PHC1: variants seen among roughly 807,000 people sequenced by gnomAD.
PHC1 encodes the protein polyhomeotic homolog 1.
A neutral mutation model predicts 104.3 loss-of-function variants in PHC1; 12 were observed. The observed-to-expected ratio is 0.12, with a 90% CI of 0.07 to 0.19. PHC1 has a LOEUF of 0.19. Ranked by LOEUF, PHC1 falls within the 10% of genes least tolerant of loss-of-function variation. The pLI is 1.00. For synonymous variants in PHC1, 302 were observed against 455.8 expected (o/e 0.66, Z 4.30); for missense variants, 671 against 1,200.0 (o/e 0.56, Z 6.51).
intron 1 of PHC1, among the ~76,000 whole-genome samples, chr12:8,916,443 A>G (rs952983291): frequency 6.6e-6 from 1 of 152,118 alleles, no homozygotes; most frequent in Non-Finnish European, 1.5e-5. Context: ...TGGTGACCTG[A>G]TATTTCTAGT....
intron 2 of PHC1, 118 bp downstream of exon 2, chr12:8,917,909 G>C (rs552660354): frequency 1.8e-4 from 112 of 625,420 alleles, no homozygotes; most frequent in African/African-American, 1.8e-3. Flanking sequence ...TGGGTTAGAT[G>C]ATGACTAAGC....
chr12:8,918,539 G>A (rs1475857761), intron 2 of PHC1, among the ~76,000 whole-genome samples: 11 of 151,882 alleles, frequency 7.2e-5, no homozygotes, highest in Non-Finnish European at 1.3e-4. Context: ...GTGCAGTGGT[G>A]CGATCAGTGC....
At chr12:8,935,772 T>A (rs1458918126) in intron 11 of PHC1, among the ~76,000 whole-genome samples, 3 of 152,158 alleles carry the variant, frequency 2.0e-5, no homozygotes, top group African/African-American at 7.2e-5. Flanking sequence ...ATTATTATTT[T>A]TTTTTGAGAC....
intron 6 of PHC1, among the ~76,000 whole-genome samples, chr12:8,924,190 A>G (rs1945450402): frequency 6.6e-6 from 1 of 152,158 alleles, no homozygotes; most frequent in Non-Finnish European, 1.5e-5. Context: ...GAAAGTGCTA[A>G]ATTAGGCTGG....
chr12:8,920,763 G>T (rs1945338939), intron 3 of PHC1, among the ~76,000 whole-genome samples: 1 of 152,154 alleles, frequency 6.6e-6, no homozygotes, highest in African/African-American at 2.4e-5. Context: ...AGGACAAGTT[G>T]CCTCTCTGCC....
intron 7 of PHC1, among the ~76,000 whole-genome samples, chr12:8,931,320 A>G (rs1375652461): frequency 1.3e-5 from 2 of 152,354 alleles, no homozygotes; most frequent in Admixed American, 6.5e-5. Context: ...AGCATTTACT[A>G]TAAGGGATGA....
At chr12:8,939,057 C>T (rs1396685928) in intron 14 of PHC1, among the ~76,000 whole-genome samples, 4 of 152,224 alleles carry the variant, frequency 2.6e-5, no homozygotes, top group Non-Finnish European at 5.9e-5. Flanking sequence ...AACTCCTGAG[C>T]TCAAGTGATC....
At chr12:8,938,640 C>T (rs2137142103) in intron 14 of PHC1, among the ~76,000 whole-genome samples, 1 of 152,154 alleles carries the variant, frequency 6.6e-6, no homozygotes, top group South Asian at 2.1e-4. Context: ...ACCCTTCTTG[C>T]TATTTGTCTG....
In PHC1 at chr12:8,922,616, C is replaced by T. The variant is rs1310222399; in HGVS notation, c.457-17C>T. ...CCCTCTTGTCCTCTTTGCTCTTCCT[C>T]TTCCTCTCCTTGCCAGCCACAGCTG... On this transcript the variant is annotated splice_polypyrimidine_tract_variant and intron_variant, in intron 5 of 14. Transcript: ENST00000544916. The T allele has an allele frequency of 1.9e-6, 3 of 1,556,226 alleles. No homozygotes were observed. The South Asian group carries it at 3.6e-5, about 18-fold the overall frequency.
rs925706134 is a variant in PHC1, at chr12:8,922,792, A to G, written c.612+4A>G. 1.2e-5 allele frequency: 20 copies of G among 1,612,206 alleles called. No homozygotes were observed. Among genetic ancestry groups the G allele is most frequent in the Non-Finnish European group, 1.6e-5 (19 of 1,179,322 alleles). ...AGTTCATGCAGATGCAGATCAGGTT[A>G]GTGGCGATGACTTTACCTGTGGGTG... is the stretch of plus-strand genomic sequence containing the variant. On this transcript the variant is annotated splice_donor_region_variant and intron_variant, in intron 6 of 14. Coordinates refer to ENST00000544916, the MANE Select transcript of PHC1 (RefSeq NM_004426.3).
intron 6 of PHC1, among the ~76,000 whole-genome samples, chr12:8,926,107 G>GT (rs761524774): frequency 6.6e-6 from 1 of 152,170 alleles, no homozygotes; most frequent in African/African-American, 2.4e-5. Flanking sequence ...ATGTAGGAGT[G>GT]TATTTAGAGT....
At chr12:8,921,201 A>ATACT (rs1945352927) in intron 4 of PHC1, 136 bp downstream of exon 4, 1 of 643,218 alleles carries the variant, frequency 1.6e-6, no homozygotes, top group South Asian at 2.0e-5. Context: ...AGAGAATAGT[A>ATACT]GTACAAGGGG....
chr12:8,933,435 G>C, intron 8 of PHC1, 85 bp downstream of exon 8: 1 of 1,411,084 alleles, frequency 7.1e-7, no homozygotes, highest in Non-Finnish European at 9.4e-7. Flanking sequence ...AATTGAATAG[G>C]GGAATAAAGA....
At chr12:8,928,345 C>T (rs1255656203) in intron 6 of PHC1, among the ~76,000 whole-genome samples, 4 of 152,102 alleles carry the variant, frequency 2.6e-5, no homozygotes, top group East Asian at 1.9e-4. Flanking sequence ...ATTTTTTAAT[C>T]GTACTTCTGG....
In PHC1 at chr12:8,939,455, C is replaced by T. The variant is rs766902181; in HGVS notation, c.3011C>T (p.Thr1004Ile). ...ICAKINVLKE[T>I] ...GCCAAGATAAATGTCCTCAAGGAGA[C>T]CTAAGGTGGCCCTCTTGCACAAACC... Residue 1004 changes from threonine (T) to isoleucine (I), a missense_variant, in exon 15 of 15, where the codon ACC becomes ATC. Around this residue, in one of 9 missense-constraint regions of PHC1, gnomAD observed 10 missense variants for 48.3 expected, o/e 0.21. Coordinates refer to ENST00000544916, the MANE Select transcript of PHC1 (RefSeq NM_004426.3). The T allele has an allele frequency of 1.8e-5, 28 of 1,550,012 alleles. No homozygotes were observed. The African/African-American group carries it at 3.6e-4, about 20-fold the overall frequency.
At chr12:8,930,085 T>G (rs1468909656) in intron 6 of PHC1, among the ~76,000 whole-genome samples, 1 of 152,248 alleles carries the variant, frequency 6.6e-6, no homozygotes, top group Non-Finnish European at 1.5e-5. Context: ...GACTGTGTCT[T>G]TCCTCTGCAT....
chr12:8,916,124 G>A (rs949817232), intron 1 of PHC1: 6 of 154,370 alleles, frequency 3.9e-5, no homozygotes, highest in African/African-American at 1.4e-4. Context: ...GGAGAAGGTA[G>A]ACTAGTTGAA....
At chr12:8,927,897 C>T (rs1320681657) in intron 6 of PHC1, among the ~76,000 whole-genome samples, 22 of 110,698 alleles carry the variant, frequency 2.0e-4, no homozygotes, top group African/African-American at 8.2e-4. Context: ...TTCTTTCTTT[C>T]TTTCTTTCTT....
intron 1 of PHC1, among the ~76,000 whole-genome samples, chr12:8,915,527 G>A (rs1056814912): frequency 6.6e-6 from 1 of 151,814 alleles, no homozygotes; most frequent in Admixed American, 6.6e-5. Context: ...AACTCCCTTC[G>A]GTAGGTCTGT....
Sources: gnomAD v4.1 joint callset for allele counts (sites outside exome capture counted in the v4.1 genomes callset) on GRCh38, gnomAD v4.1.1 for gene constraint, gnomAD v4.1.1 regional missense constraint, MANE v1.5 for transcripts, NCBI Gene and HGNC (gene_info 2026-07-23, HGNC 2026-07-21) for gene names.